The following TXNRD1 variants were observed in gnomAD, a reference collection of about 807,000 sequenced individuals.
TXNRD1 encodes the protein thioredoxin reductase 1.
A neutral mutation model predicts 80.3 loss-of-function variants in TXNRD1; 57 were observed. The observed-to-expected ratio is 0.71, with a 90% CI of 0.57 to 0.89. TXNRD1 has a LOEUF of 0.89. Ranked by LOEUF, TXNRD1 falls within the 40% of genes least tolerant of loss-of-function variation. The probability of loss-of-function intolerance (pLI) is 0.00; values close to 1 mark genes in which losing one functional copy is unlikely to be tolerated. For synonymous variants in TXNRD1, 291 were observed against 285.2 expected (o/e 1.02, Z -0.20); for missense variants, 730 against 803.0 (o/e 0.91, Z 1.10).
At chr12:104,311,155 G>A in intron 4 of TXNRD1, 135 bp from the exon 5 acceptor site, 2 of 989,026 alleles carry the variant, frequency 2.0e-6, no homozygotes, top group East Asian at 2.7e-5. Context: ...ATTTCCATCT[G>A]TATGCTGTAA....
chr12:104,258,095 A>G lies in TXNRD1; in HGVS notation c.304+16A>G. 6.6e-7 allele frequency: 1 copy of G among 1,521,422 alleles called. No homozygotes were observed. Among genetic ancestry groups the G allele is most frequent in the African/African-American group, 1.4e-5 (1 of 72,714 alleles). The allele number at this position is 1,521,422 out of a possible 1,614,324, so 94.2% of individuals were successfully genotyped here. A position where few individuals can be genotyped will look rare whatever the true frequency, so the allele number is the denominator to read the frequency against. ...GATCAAACAGGTAAGTTTCTGTTTA[A>G]TATGTAAATCATAGCTGCTGACTGT... On this transcript the variant is annotated intron_variant, in intron 3 of 16. Transcript: ENST00000525566.
At chr12:104,247,476 A>G (rs1053311264) in intron 1 of TXNRD1, among the ~76,000 whole-genome samples, 1 of 152,198 alleles carries the variant, frequency 6.6e-6, no homozygotes, top group Non-Finnish European at 1.5e-5. Context: ...TTCAAAATTG[A>G]GGGGGAAAAA....
intron 1 of TXNRD1, among the ~76,000 whole-genome samples, chr12:104,249,381 A>G (rs1244568988): frequency 6.6e-6 from 1 of 152,128 alleles, no homozygotes; most frequent in African/African-American, 2.4e-5. Context: ...GAGGTATAGA[A>G]GCATTCAGAT....
intron 1 of TXNRD1, among the ~76,000 whole-genome samples, chr12:104,234,638 GA>G (rs33956129): frequency 0.24 from 30,424 of 125,758 alleles, 4,323 homozygotes; most frequent in African/African-American, 0.44. Context: ...TAAAGTCAGG[GA>G]AAAAAAAAAA....
intron 3 of TXNRD1, chr12:104,276,832 C>T (rs1321193672): frequency 6.6e-6 from 1 of 152,110 alleles, no homozygotes; most frequent in Non-Finnish European, 1.5e-5. Flanking sequence ...TAATATATAT[C>T]CCAAAGGGTT....
chr12:104,338,102 T>C (rs1284084679), intron 15 of TXNRD1, among the ~76,000 whole-genome samples: 2 of 151,638 alleles, frequency 1.3e-5, no homozygotes, highest in Non-Finnish European at 2.9e-5. Context: ...AGTCAAAATT[T>C]TAATTTGAAT....
At chr12:104,274,540 CA>C (rs956896084) in intron 3 of TXNRD1, among the ~76,000 whole-genome samples, 2 of 150,114 alleles carry the variant, frequency 1.3e-5, no homozygotes, top group African/African-American at 2.4e-5. Flanking sequence ...TAATAAAATA[CA>C]AAAAAAAATT....
chr12:104,312,708 G>T (rs1233449768), intron 5 of TXNRD1, among the ~76,000 whole-genome samples: 1 of 152,160 alleles, frequency 6.6e-6, no homozygotes, highest in Non-Finnish European at 1.5e-5. Context: ...CATAGATGTT[G>T]TCAACTTTTT....
In TXNRD1 at chr12:104,288,683, C is replaced by T. The variant is rs548684805; in HGVS notation, c.305-248C>T. The T allele has an allele frequency of 3.4e-5, 43 of 1,258,920 alleles. No homozygotes were observed. In the African/African-American group the frequency reaches 4.5e-4, roughly 13 times the overall value. The allele number at this position is 1,258,920 out of a possible 1,614,324, so 78.0% of individuals were successfully genotyped here. A position where few individuals can be genotyped will look rare whatever the true frequency, so the allele number is the denominator to read the frequency against. ...GATTTAACCCTGACTAGAACTCTGA[C>T]GTTTACAGCTAGCCTTGAGGCCATG... is the stretch of plus-strand genomic sequence containing the variant. On this transcript the variant is annotated intron_variant, in intron 3 of 16. Transcript: ENST00000525566.
chr12:104,249,398 G>A (rs1254079493), intron 1 of TXNRD1, among the ~76,000 whole-genome samples: 1 of 152,066 alleles, frequency 6.6e-6, no homozygotes, highest in Non-Finnish European at 1.5e-5. Context: ...AGATCATAGC[G>A]CTTATATCTC....
At chr12:104,330,892 T>C (rs2035925659) in intron 13 of TXNRD1, among the ~76,000 whole-genome samples, 4 of 151,966 alleles carry the variant, frequency 2.6e-5, no homozygotes, top group Admixed American at 2.0e-4. Flanking sequence ...CCGGCCCTAA[T>C]TGGGATTTTT....
chr12:104,222,518 A>G (rs1313509506), intron 1 of TXNRD1, among the ~76,000 whole-genome samples: 11 of 152,254 alleles, frequency 7.2e-5, no homozygotes, highest in African/African-American at 2.7e-4. Context: ...ATTTGCTAGT[A>G]CAGTAGTTAC....
At chr12:104,258,206 T>G (rs1030304825) in intron 3 of TXNRD1, 127 bp downstream of exon 3, 1 of 686,068 alleles carries the variant, frequency 1.5e-6, no homozygotes. Flanking sequence ...AGCTGATTCT[T>G]CTTTTTGGTC....
chr12:104,333,464 AT>A (rs145941318), intron 14 of TXNRD1, among the ~76,000 whole-genome samples: 4 of 151,948 alleles, frequency 2.6e-5, no homozygotes, highest in African/African-American at 7.3e-5. Context: ...GATTCCTTTA[AT>A]TTTTTTCCTA....
intron 4 of TXNRD1, chr12:104,310,141 T>C (rs907543149): frequency 6.9e-7 from 1 of 1,441,824 alleles, no homozygotes; most frequent in African/African-American, 1.4e-5. Flanking sequence ...GTTAAGGCTT[T>C]TTGTTTGTTT....
chr12:104,305,647 A>G (rs77855539), intron 4 of TXNRD1, among the ~76,000 whole-genome samples: 475 of 152,350 alleles, frequency 3.1e-3, no homozygotes, highest in African/African-American at 0.011. Flanking sequence ...ATTTATGGAA[A>G]AACTATTATA....
At chr12:104,319,111 G>T (rs2035436243) in intron 8 of TXNRD1, 56 bp downstream of exon 8, 1 of 1,543,930 alleles carries the variant, frequency 6.5e-7, no homozygotes, top group Admixed American at 2.2e-5. Flanking sequence ...CTTTTTAAAA[G>T]CTTTGGTTAG....
chr12:104,292,852 TA>T (rs886799387), intron 4 of TXNRD1, among the ~76,000 whole-genome samples: 10 of 152,326 alleles, frequency 6.6e-5, no homozygotes, highest in Admixed American at 3.9e-4. Flanking sequence ...GACTAGTCTT[TA>T]ATACCCAAAA....
chr12:104,317,555 A>G (rs894385995), intron 7 of TXNRD1, among the ~76,000 whole-genome samples: 47 of 152,188 alleles, frequency 3.1e-4, no homozygotes, highest in Admixed American at 1.2e-3. Flanking sequence ...TTCAAAACTT[A>G]CTGTATAGCC....
Sources: gnomAD v4.1 joint callset for allele counts (sites outside exome capture counted in the v4.1 genomes callset) on GRCh38, gnomAD v4.1.1 for gene constraint, MANE v1.5 for transcripts, NCBI Gene and HGNC (gene_info 2026-07-23, HGNC 2026-07-21) for gene names.